Variants in ZNF280D observed in about 807,000 individuals in gnomAD.
ZNF280D encodes suppressor of hairy wing homolog 4.
A neutral mutation model predicts 94.7 loss-of-function variants in ZNF280D; 39 were observed. The ratio of observed to expected loss-of-function variants is 0.41; its 90% confidence interval spans 0.32 to 0.54. ZNF280D has a LOEUF of 0.54. Among genes scored for constraint, ZNF280D ranks in the 20% least tolerant of loss-of-function variants. The pLI, the probability that ZNF280D is intolerant of heterozygous loss-of-function variation, is 0.22. For missense variants in ZNF280D, 1,090 were observed against 1,149.3 expected, an observed-to-expected ratio of 0.95 and a Z score of 0.75; for synonymous variants, 398 against 377.6, an observed-to-expected ratio of 1.05 and a Z score of -0.63.
chr15:56,699,709 C>T (rs1328148515), intron 6 of ZNF280D: 2 of 411,008 alleles, frequency 4.9e-6, no homozygotes, highest in African/African-American at 2.2e-5. Flanking sequence ...AATTCAATCA[C>T]ACAAGTGCTT....
rs2052068388 is a variant in ZNF280D at position 56,631,505 on chromosome 15, CTTTCTT to C, written c.2927_2932del (p.Lys976_Glu977del). The C allele has an allele frequency of 6.2e-7, 1 of 1,610,444 alleles. No individual in the cohort carries two copies. The highest frequency in any genetic ancestry group is 8.5e-7 in the Non-Finnish European group (1 of 1,177,148). ...AACTTAAAATGACTAATTTCAACTT[CTTTCTT>C]TTTCGTCTTCCAGGTCTACTGTTGC... On this transcript the variant is annotated inframe_deletion, in exon 22 of 22. Coordinates refer to ENST00000267807, the MANE Select transcript of ZNF280D (RefSeq NM_017661.4).
intron 1 of ZNF280D, chr15:56,725,106 G>A (rs181932618): frequency 3.9e-6 from 1 of 258,430 alleles, no homozygotes; most frequent in East Asian, 9.0e-5. Flanking sequence ...TCTTAGATTT[G>A]CCAAAGGTAA....
chr15:56,631,951 T>G lies in ZNF280D; in HGVS notation c.2487A>C (p.Ser829=), dbSNP rs770818541. The G allele has an allele frequency of 2.5e-6, 4 of 1,614,062 alleles. No individual in the cohort carries two copies. Among genetic ancestry groups the G allele is most frequent in the Admixed American group, 1.7e-5 (1 of 60,018 alleles). The change falls in exon 22 of 22, where the codon TCA becomes TCC. Residue 829 remains serine (S), a synonymous_variant. Transcript: ENST00000267807. Reference sequence around the variant, plus strand: ...TTTCCACTTTATCTGCACCAATATTTGAATCACAACTGACGATGTTTTTTG... The same window carrying G: ...TTTCCACTTTATCTGCACCAATATTGGAATCACAACTGACGATGTTTTTTG... ...TGSKNIVSCD[S]NIGADKVEKK...
intron 1 of ZNF280D, among the ~76,000 whole-genome samples, chr15:56,711,604 T>C (rs200533956): frequency 6.6e-6 from 1 of 152,000 alleles, no homozygotes; most frequent in Non-Finnish European, 1.5e-5. Context: ...GAGGTTGCAG[T>C]AGTGAGCTGA....
At chr15:56,695,849 A>G (rs916023766) in intron 6 of ZNF280D, among the ~76,000 whole-genome samples, 1 of 152,094 alleles carries the variant, frequency 6.6e-6, no homozygotes, top group Non-Finnish European at 1.5e-5. Context: ...TTTTTAGGAA[A>G]TGTTCCAAGT....
At chr15:56,656,054 C>G (rs2053531308) in intron 17 of ZNF280D, among the ~76,000 whole-genome samples, 1 of 152,116 alleles carries the variant, frequency 6.6e-6, no homozygotes, top group Non-Finnish European at 1.5e-5. Context: ...ACTACAAGAA[C>G]TGTAATATTT....
chr15:56,725,134 G>A (rs1244218027), intron 1 of ZNF280D: 10 of 254,118 alleles, frequency 3.9e-5, no homozygotes, highest in Admixed American at 1.4e-4. Context: ...AATAAGGAAC[G>A]CACAGGAGTG....
intron 1 of ZNF280D, among the ~76,000 whole-genome samples, chr15:56,715,009 A>G (rs933780103): frequency 5.3e-5 from 8 of 152,146 alleles, no homozygotes; most frequent in Non-Finnish European, 1.2e-4. Context: ...TATAATTATA[A>G]AAACTAAAAG....
At chr15:56,716,507 A>G (rs1022339927) in intron 1 of ZNF280D, among the ~76,000 whole-genome samples, 1 of 120,332 alleles carries the variant, frequency 8.3e-6, no homozygotes, top group African/African-American at 3.4e-5. Context: ...ATTGTGACTG[A>G]AAAAAAAAAA....
chr15:56,707,502 T>C (rs1596595205), intron 1 of ZNF280D, among the ~76,000 whole-genome samples, 196 bp from the exon 2 acceptor site: 3 of 152,160 alleles, frequency 2.0e-5, no homozygotes, highest in East Asian at 3.8e-4. Flanking sequence ...TGGCACTTAA[T>C]ACTCGAAGAA....
At chr15:56,697,968 G>T (rs1329142943) in intron 6 of ZNF280D, 1 of 152,090 alleles carries the variant, frequency 6.6e-6, no homozygotes, top group Admixed American at 6.5e-5. Context: ...ATGACATGTT[G>T]TTTTGGTTGA....
At chr15:56,668,326 A>G in intron 14 of ZNF280D, 1 of 354,356 alleles carries the variant, frequency 2.8e-6, no homozygotes, top group Non-Finnish European at 5.5e-6. Context: ...GCAGTCAGAC[A>G]TGTGTTTGCT....
intron 1 of ZNF280D, among the ~76,000 whole-genome samples, chr15:56,726,078 G>A (rs1283368729): frequency 2.7e-4 from 41 of 151,944 alleles, no homozygotes; most frequent in Admixed American, 2.6e-3. Flanking sequence ...AAGGGTCTCT[G>A]AAGGTAAAGC....
chr15:56,688,082 G>A (rs569652043), intron 9 of ZNF280D, among the ~76,000 whole-genome samples: 1 of 151,958 alleles, frequency 6.6e-6, no homozygotes, highest in South Asian at 2.1e-4. Flanking sequence ...TGCAAGGGGA[G>A]TACAGACCAT....
rs748596175 is a variant in ZNF280D, at chr15:56,701,084, A to G, written c.242-12T>C. 1.2e-6 allele frequency: 2 copies of G among 1,613,372 alleles called. No homozygotes were observed. Among genetic ancestry groups the G allele is most frequent in the African/African-American group, 1.3e-5 (1 of 75,000 alleles). On this transcript the variant is annotated splice_polypyrimidine_tract_variant and intron_variant, in intron 5 of 21. Coordinates refer to ENST00000267807, the MANE Select transcript of ZNF280D (RefSeq NM_017661.4). ...TGCAGCAGTAATACCTGTATTTTAAAGTAACACAATATATGGAAATTATTT... is the reference window on the plus strand; with the variant it reads ...TGCAGCAGTAATACCTGTATTTTAAGGTAACACAATATATGGAAATTATTT...
At chr15:56,657,267 T>A (rs1172865689) in intron 17 of ZNF280D, among the ~76,000 whole-genome samples, 1 of 152,134 alleles carries the variant, frequency 6.6e-6, no homozygotes, top group Non-Finnish European at 1.5e-5. Context: ...TCAACAGTTC[T>A]TTCAGTATAG....
intron 1 of ZNF280D, among the ~76,000 whole-genome samples, chr15:56,722,278 C>T (rs1157440871): frequency 6.6e-6 from 1 of 152,040 alleles, no homozygotes; most frequent in Non-Finnish European, 1.5e-5. Flanking sequence ...GCAAAAATTA[C>T]AAAAATGTGA....
chr15:56,725,524 T>C (rs972601063), intron 1 of ZNF280D, among the ~76,000 whole-genome samples: 1 of 152,238 alleles, frequency 6.6e-6, no homozygotes, highest in East Asian at 1.9e-4. Context: ...TAAAGACAGC[T>C]GGATTCTCTT....
intron 1 of ZNF280D, among the ~76,000 whole-genome samples, chr15:56,713,513 T>C (rs952621932): frequency 6.6e-6 from 1 of 152,198 alleles, no homozygotes; most frequent in East Asian, 1.9e-4. Flanking sequence ...GTTTATATTC[T>C]ATTTCATTTT....
Sources: allele counts gnomAD v4.1 joint callset (sites outside exome capture counted in the v4.1 genomes callset), GRCh38; gene constraint gnomAD v4.1.1; transcripts MANE v1.5; gene names NCBI Gene and HGNC (gene_info 2026-07-23, HGNC 2026-07-21).